Variants in DYNC1I1 observed in about 807,000 individuals in gnomAD.
The protein encoded by DYNC1I1 is dynein cytoplasmic 1 intermediate chain 1, also known as cytoplasmic dynein 1 intermediate chain 1.
DYNC1I1 carries 43 observed loss-of-function variants against 86.6 expected under a neutral mutation model. The ratio of observed to expected loss-of-function variants is 0.50; its 90% CI spans 0.39 to 0.64. The LOEUF (loss-of-function observed/expected upper bound fraction) is 0.64, where lower values mean the gene tolerates loss of function less well. Ranked by LOEUF, DYNC1I1 falls within the 30% of genes least tolerant of loss-of-function variation. The pLI is 0.00. For missense variants in DYNC1I1, 604 were observed against 788.8 expected (o/e 0.77, Z 2.81); for synonymous variants, 262 against 283.7 (o/e 0.92, Z 0.77).
Position 96,036,588 on chromosome 7 carries a change from A to G in DYNC1I1, c.1364+836A>G, listed in dbSNP as rs182564830. Among the ~76,000 whole-genome samples, 717 of 152,236 alleles carry G rather than the reference A, an allele frequency of 4.7e-3. 4 individuals are homozygous for G. The highest frequency in any genetic ancestry group is 8.1e-3 in the Non-Finnish European group (550 of 67,996). ...TCTCTTACTACATTATTTCCATTTC[A>G]TCTTTGATTTCCTGCACAGTACCTA... On this transcript the variant is annotated intron_variant, in intron 13 of 16. Transcript: ENST00000447467.
chr7:95,946,144 G>T (rs561877518), intron 6 of DYNC1I1, among the ~76,000 whole-genome samples: 1 of 152,036 alleles, frequency 6.6e-6, no homozygotes, highest in South Asian at 2.1e-4. Flanking sequence ...ACACACTGGG[G>T]CCTGTCAGGG....
chr7:95,875,660 G>T (rs1201564036), intron 6 of DYNC1I1, among the ~76,000 whole-genome samples: 1 of 152,166 alleles, frequency 6.6e-6, no homozygotes, highest in East Asian at 1.9e-4. Flanking sequence ...GAGGATGAGG[G>T]ACTCTGGCCT....
chr7:95,904,614 CATATGTGTGTATGTATAT>C lies in DYNC1I1; in HGVS notation c.490+34621_490+34638del, dbSNP rs765997810. ...ATGTAAAAATACATATGTATGTATACATATGTGTGTATGTATATATATATATACACATATACACATGCA... is the reference window on the plus strand; with the variant it reads ...ATGTAAAAATACATATGTATGTATACATATATATACACATATACACATGCA... On this transcript the variant is annotated intron_variant, in intron 6 of 16. Transcript: ENST00000447467. 2.2e-3 allele frequency among the ~76,000 whole-genome samples: 244 copies of C among 112,730 alleles called. 1 individual carries two copies. The highest frequency in any genetic ancestry group is 0.017 in the Middle Eastern group (4 of 238). The allele number at this position is 112,730 out of a possible 152,430, so 74.0% of individuals were successfully genotyped here.
intron 1 of DYNC1I1, among the ~76,000 whole-genome samples, chr7:95,791,613 T>C (rs138048708): frequency 1.7e-3 from 256 of 152,340 alleles, no homozygotes; most frequent in African/African-American, 5.9e-3. Flanking sequence ...ATCAACATGA[T>C]AATTTATCCT....
chr7:95,845,848 C>T (rs1397560508), intron 5 of DYNC1I1, among the ~76,000 whole-genome samples: 1 of 152,024 alleles, frequency 6.6e-6, no homozygotes, highest in African/African-American at 2.4e-5. Flanking sequence ...TTTATTTGTC[C>T]CCAAACATTT....
intron 9 of DYNC1I1, among the ~76,000 whole-genome samples, chr7:95,993,484 C>T (rs1793780870): frequency 6.6e-6 from 1 of 152,170 alleles, no homozygotes; most frequent in Admixed American, 6.5e-5. Context: ...TGCCTTTTCA[C>T]ATGTGACATA....
At chr7:96,084,516 G>A (rs42075) in intron 16 of DYNC1I1, among the ~76,000 whole-genome samples, 130,620 of 148,296 alleles carry the variant, frequency 0.88, 57,681 homozygotes, top group East Asian at 0.98. Context: ...TCTGCCTCCC[G>A]GGTTCAAGCA....
intron 1 of DYNC1I1, among the ~76,000 whole-genome samples, chr7:95,803,685 A>G (rs1794636105): frequency 6.6e-6 from 1 of 152,154 alleles, no homozygotes; most frequent in Admixed American, 6.5e-5. Context: ...TACATTATAT[A>G]TTTATCCTAG....
At chr7:95,932,123 C>T (rs1199535410) in intron 6 of DYNC1I1, among the ~76,000 whole-genome samples, 2 of 152,152 alleles carry the variant, frequency 1.3e-5, no homozygotes, top group Non-Finnish European at 2.9e-5. Flanking sequence ...TGCTCTCTAC[C>T]TCATTCTGTT....
rs1039503363 is a variant in DYNC1I1, at chr7:96,098,310, C to T, written c.*717C>T. The T allele has an allele frequency of 5.1e-6, 5 of 985,686 alleles. No individual in the cohort carries two copies. Among genetic ancestry groups the T allele is most frequent in the African/African-American group, 1.7e-5 (1 of 57,226 alleles). The allele number at this position is 985,686 out of a possible 1,614,324, so 61.1% of individuals were successfully genotyped here. On this transcript the variant is annotated 3_prime_UTR_variant, in exon 17 of 17. Coordinates refer to ENST00000447467, the MANE Select transcript of DYNC1I1 (RefSeq NM_001135556.2). Reference sequence around the variant, plus strand: ...TGCCTATTATTTCTGGGTACTTTAACAATATTTCAAATATCATTGACCACT... The same window carrying T: ...TGCCTATTATTTCTGGGTACTTTAATAATATTTCAAATATCATTGACCACT...
intron 1 of DYNC1I1, chr7:95,804,515 C>T: frequency 1.2e-6 from 1 of 856,028 alleles, no homozygotes; most frequent in Non-Finnish European, 1.7e-6. Flanking sequence ...TGTATATATA[C>T]CTAAAAGGGA....
intron 6 of DYNC1I1, among the ~76,000 whole-genome samples, chr7:95,922,600 A>G (rs1276581419): frequency 6.6e-6 from 1 of 152,078 alleles, no homozygotes; most frequent in East Asian, 1.9e-4. Context: ...TTTTATGTGT[A>G]AGACAACGAG....
chr7:96,108,979 C>T (rs1417152937), intron 16 of DYNC1I1, among the ~76,000 whole-genome samples: 1 of 151,640 alleles, frequency 6.6e-6, no homozygotes, highest in African/African-American at 2.4e-5. Flanking sequence ...GAATCTATTT[C>T]ATCCATGTTG....
intron 14 of DYNC1I1, among the ~76,000 whole-genome samples, chr7:96,075,449 A>G (rs1481280031): frequency 6.6e-6 from 1 of 152,204 alleles, no homozygotes; most frequent in Non-Finnish European, 1.5e-5. Flanking sequence ...AGAGAGACTA[A>G]AGGCGTAGGA....
chr7:96,058,893 C>G (rs1428443460), intron 14 of DYNC1I1, among the ~76,000 whole-genome samples: 4 of 150,914 alleles, frequency 2.7e-5, no homozygotes, highest in Non-Finnish European at 5.9e-5. Flanking sequence ...ATCCACCAGC[C>G]TCGGCCTCTC....
intron 6 of DYNC1I1, among the ~76,000 whole-genome samples, chr7:95,971,095 G>C (rs114215489): frequency 6.6e-6 from 1 of 152,224 alleles, no homozygotes; most frequent in African/African-American, 2.4e-5. Flanking sequence ...GCTCTGCTGT[G>C]GACATGTCAG....
chr7:95,793,532 C>T (rs1201815320), intron 1 of DYNC1I1, among the ~76,000 whole-genome samples: 1 of 152,036 alleles, frequency 6.6e-6, no homozygotes. Flanking sequence ...GGTGGGGAGT[C>T]TCTGGGTCAG....
chr7:96,094,819 G>A (rs1325020683), intron 16 of DYNC1I1, among the ~76,000 whole-genome samples: 2 of 152,104 alleles, frequency 1.3e-5, no homozygotes, highest in Non-Finnish European at 2.9e-5. Context: ...GTTTCTAGGA[G>A]GAATTGTGTT....
intron 6 of DYNC1I1, among the ~76,000 whole-genome samples, chr7:95,952,496 C>T (rs1339358104): frequency 2.0e-5 from 3 of 152,104 alleles, no homozygotes; most frequent in Admixed American, 6.5e-5. Context: ...GGCTCCCCTC[C>T]CCATCCCTTT....
Sources: allele counts gnomAD v4.1 joint callset (sites outside exome capture counted in the v4.1 genomes callset), GRCh38; gene constraint gnomAD v4.1.1; transcripts MANE v1.5; gene names NCBI Gene and HGNC (gene_info 2026-07-23, HGNC 2026-07-21).